The following ATP2C2 variants were observed in gnomAD, a reference collection of about 807,000 sequenced individuals.
ATP2C2 encodes calcium-transporting ATPase type 2C member 2.
Under a neutral mutation model 110.8 loss-of-function variants are expected in ATP2C2, and 171 were observed. That is an observed-to-expected ratio of 1.54 (90% CI 1.36 to 1.75). The LOEUF is 1.75. Among genes scored for constraint, ATP2C2 ranks in the 40% most tolerant of loss-of-function variants. The pLI is 0.00. For synonymous variants in ATP2C2, 804 were observed against 508.4 expected (o/e 1.58, Z -7.82); for missense variants, 1,963 against 1,235.0 (o/e 1.59, Z -8.84).
At chr16:84,399,194 G>A (rs1394630940) in intron 2 of ATP2C2, among the ~76,000 whole-genome samples, 3 of 152,194 alleles carry the variant, frequency 2.0e-5, no homozygotes, top group Non-Finnish European at 2.9e-5. Flanking sequence ...TACATTTTGG[G>A]AAAGCAAATA....
At chr16:84,419,275 G>A (rs1341909576) in intron 7 of ATP2C2, among the ~76,000 whole-genome samples, 11 of 150,370 alleles carry the variant, frequency 7.3e-5, no homozygotes, top group African/African-American at 2.7e-4. Context: ...AGGCTCCAGG[G>A]GAGAAGCTGT....
intron 7 of ATP2C2, among the ~76,000 whole-genome samples, chr16:84,416,845 T>G (rs1906878252): frequency 6.6e-6 from 1 of 152,128 alleles, no homozygotes; most frequent in Admixed American, 6.5e-5. Flanking sequence ...CGGCTGTCTG[T>G]GGCCAATCCC....
In ATP2C2 at chr16:84,425,641, C is replaced by T. The variant is rs558421859; in HGVS notation, c.920-94C>T. 5.0e-6 allele frequency: 7 copies of T among 1,389,148 alleles called. No individual in the cohort carries two copies. In the South Asian group the frequency reaches 5.8e-5, roughly 12 times the overall value. The allele number at this position is 1,389,148 out of a possible 1,614,324, so 86.1% of individuals were successfully genotyped here. A position where few individuals can be genotyped will look rare whatever the true frequency, so the allele number is the denominator to read the frequency against. On this transcript the variant is annotated intron_variant, in intron 10 of 26. Transcript: ENST00000262429. ...TCAGGCGTTCCTCTGTGCATGCATT[C>T]CTGTAAACTCTTTAAGGAAGTGAGT...
At chr16:84,461,094 T>A (rs1463806339) in intron 24 of ATP2C2, 3 of 408,346 alleles carry the variant, frequency 7.3e-6, no homozygotes, top group African/African-American at 6.0e-5. Flanking sequence ...TGCCCCCTGT[T>A]CCCTTGTCAC....
rs748974485 is a variant in ATP2C2 at position 84,439,285 on chromosome 16, C to A, written c.1106C>A (p.Thr369Asn). Reference sequence around the variant, plus strand: ...GTGAAGAAGTTACCCATCGTGGAGACTTTAGGTGAGGGACTCCAGCTGGTG... The same window carrying A: ...GTGAAGAAGTTACCCATCGTGGAGAATTTAGGTGAGGGACTCCAGCTGGTG... ...VIVKKLPIVE[T>N]LGCCSVLCSD... Residue 369 changes from threonine to asparagine, a missense_variant, in exon 12 of 27, where the codon ACT (threonine) becomes AAT (asparagine). Transcript: ENST00000262429. 1.2e-6 allele frequency: 2 copies of A among 1,613,010 alleles called. No individual in the cohort carries two copies. Among genetic ancestry groups the A allele is most frequent in the Non-Finnish European group, 1.7e-6 (2 of 1,180,024 alleles).
chr16:84,394,014 A>T (rs200238479), intron 1 of ATP2C2, among the ~76,000 whole-genome samples: 25,134 of 149,086 alleles, frequency 0.17, 2,669 homozygotes, highest in African/African-American at 0.26. Context: ...AAAAAAATAA[A>T]AAAATAAAAA....
chr16:84,419,896 A>C (rs1277534836), intron 7 of ATP2C2, among the ~76,000 whole-genome samples: 2 of 152,146 alleles, frequency 1.3e-5, no homozygotes, highest in Non-Finnish European at 2.9e-5. Flanking sequence ...GGATTTCCCA[A>C]ATGGGAGAGA....
At chr16:84,427,650 G>C (rs771229884) in intron 11 of ATP2C2, among the ~76,000 whole-genome samples, 1 of 152,162 alleles carries the variant, frequency 6.6e-6, no homozygotes, top group Non-Finnish European at 1.5e-5. Context: ...CCGGGAGGTG[G>C]AGTTTGCAGT....
intron 6 of ATP2C2, among the ~76,000 whole-genome samples, chr16:84,414,062 G>A (rs1393293825): frequency 6.6e-6 from 1 of 152,148 alleles, no homozygotes; most frequent in Non-Finnish European, 1.5e-5. Flanking sequence ...ATAGTGACTG[G>A]TAGAAGGGTG....
chr16:84,426,536 A>T (rs1385854867), intron 11 of ATP2C2, among the ~76,000 whole-genome samples: 1 of 152,100 alleles, frequency 6.6e-6, no homozygotes, highest in Non-Finnish European at 1.5e-5. Flanking sequence ...CGCTTGCCAC[A>T]AAACTGGAGG....
Position 84,442,545 on chromosome 16 carries a change from G to A in ATP2C2, c.1347G>A (p.Lys449=). The A allele has an allele frequency of 1.9e-6, 3 of 1,614,150 alleles. No individual in the cohort carries two copies. Among genetic ancestry groups the A allele is most frequent in the Non-Finnish European group, 2.5e-6 (3 of 1,179,986 alleles). Reference sequence around the variant, plus strand: ...TTGCCAACAATGCGGTCATCAGAAAGAACGCCGTGATGGGGCAGCCCACCG... The same window carrying A: ...TTGCCAACAATGCGGTCATCAGAAAAAACGCCGTGATGGGGCAGCCCACCG... ...GCVANNAVIR[K]NAVMGQPTEG... Residue 449 remains lysine (K), a synonymous_variant, in exon 15 of 27, where the codon AAG becomes AAA. Transcript: ENST00000262429.
At chr16:84,380,899 G>C (rs1026195851) in intron 1 of ATP2C2, among the ~76,000 whole-genome samples, 1 of 152,144 alleles carries the variant, frequency 6.6e-6, no homozygotes, top group Non-Finnish European at 1.5e-5. Context: ...TACAACTACA[G>C]GCTGGGCGTG....
intron 1 of ATP2C2, among the ~76,000 whole-genome samples, chr16:84,388,381 C>T (rs1167281323): frequency 6.6e-6 from 1 of 152,164 alleles, no homozygotes; most frequent in African/African-American, 2.4e-5. Flanking sequence ...TCAGAGTCCT[C>T]TACAGAACTT....
At chr16:84,428,824 C>G (rs1908012062) in intron 11 of ATP2C2, among the ~76,000 whole-genome samples, 1 of 152,188 alleles carries the variant, frequency 6.6e-6, no homozygotes, top group South Asian at 2.1e-4. Flanking sequence ...AGATAATAGT[C>G]TTTAGGTTTT....
At chr16:84,438,351 C>G (rs1158159535) in intron 11 of ATP2C2, among the ~76,000 whole-genome samples, 1 of 152,180 alleles carries the variant, frequency 6.6e-6, no homozygotes, top group Middle Eastern at 3.2e-3. Context: ...ACCTTTCCAC[C>G]ACTTCAGGAG....
chr16:84,373,601 G>C (rs1459420228), intron 1 of ATP2C2, among the ~76,000 whole-genome samples: 1 of 152,138 alleles, frequency 6.6e-6, no homozygotes, highest in Non-Finnish European at 1.5e-5. Context: ...TTCGTTTGAT[G>C]CAAGTCTAGG....
intron 1 of ATP2C2, among the ~76,000 whole-genome samples, chr16:84,388,047 G>A (rs1246307472): frequency 6.6e-6 from 1 of 152,118 alleles, no homozygotes; most frequent in East Asian, 1.9e-4. Context: ...GCAACTTTTG[G>A]CCAGGCAGGT....
chr16:84,418,668 G>A (rs1383323867), intron 7 of ATP2C2, among the ~76,000 whole-genome samples: 1 of 152,144 alleles, frequency 6.6e-6, no homozygotes, highest in Non-Finnish European at 1.5e-5. Context: ...CGGTGGAGGG[G>A]GACATGACCC....
intron 11 of ATP2C2, among the ~76,000 whole-genome samples, chr16:84,430,241 A>T (rs1027517463): frequency 2.0e-5 from 3 of 152,150 alleles, no homozygotes; most frequent in African/African-American, 7.2e-5. Flanking sequence ...GATGGACAAC[A>T]AGCTCGTTGA....
Sources: allele counts gnomAD v4.1 joint callset (sites outside exome capture counted in the v4.1 genomes callset), GRCh38; gene constraint gnomAD v4.1.1; transcripts MANE v1.5; gene names NCBI Gene and HGNC (gene_info 2026-07-23, HGNC 2026-07-21).